NOP14: variants seen among roughly 807,000 people sequenced by gnomAD.
NOP14 encodes nucleolar protein 14.
Under a neutral mutation model 101.6 loss-of-function variants are expected in NOP14, and 57 were observed. That is an observed-to-expected ratio of 0.56 (90% CI 0.45 to 0.70). The LOEUF (loss-of-function observed/expected upper bound fraction) is 0.70. Among genes scored for constraint, NOP14 ranks in the 30% least tolerant of loss-of-function variants. The probability of loss-of-function intolerance (pLI) is 0.00; values close to 1 mark genes in which losing one functional copy is unlikely to be tolerated. For missense variants in NOP14, 1,134 were observed against 1,075.5 expected, an observed-to-expected ratio of 1.05 and a Z score of -0.76; for synonymous variants, 428 against 424.0, an observed-to-expected ratio of 1.01 and a Z score of -0.12.
intron 12 of NOP14, among the ~76,000 whole-genome samples, 164 bp downstream of exon 12, chr4:2,944,964 G>A (rs1017843560): frequency 4.6e-5 from 7 of 152,230 alleles, no homozygotes; most frequent in Non-Finnish European, 8.8e-5. Flanking sequence ...GGGGCTGCTC[G>A]AGCCGGGGCT....
At chr4:2,956,641 C>T (rs1715361805) in intron 3 of NOP14, 29 bp downstream of exon 3, 4 of 1,590,916 alleles carry the variant, frequency 2.5e-6, no homozygotes, top group South Asian at 1.2e-5. Flanking sequence ...TCCACGCCCA[C>T]AGGCCCGTGC....
chr4:2,944,479 T>A (rs1172066129), intron 12 of NOP14, among the ~76,000 whole-genome samples: 1 of 152,180 alleles, frequency 6.6e-6, no homozygotes, highest in African/African-American at 2.4e-5. Context: ...CAATCTCGGC[T>A]CACTGCAACC....
chr4:2,961,202 A>ATATT (rs1553864838), intron 1 of NOP14, among the ~76,000 whole-genome samples: 33 of 102,118 alleles, frequency 3.2e-4, no homozygotes, highest in African/African-American at 1.2e-3. Flanking sequence ...CTAATATTAT[A>ATATT]ATAATATATT....
rs758534310 is a variant in NOP14, at chr4:2,941,721, C to T, written c.2060G>A (p.Cys687Tyr). 2.5e-6 allele frequency: 4 copies of T among 1,612,514 alleles called. No homozygotes were observed. The highest frequency in any genetic ancestry group is 3.4e-6 in the Non-Finnish European group (4 of 1,179,654). Reference sequence around the variant, plus strand: ...CAGCAGGGCCAGGCCCACAGCCAGGCAGGACAGTCTGTGAGGGCAGGAGGC... The same window carrying T: ...CAGCAGGGCCAGGCCCACAGCCAGGTAGGACAGTCTGTGAGGGCAGGAGGC... ...STEANHIRLSCLAVGLALLKR... is the reference protein window; with the variant it reads ...STEANHIRLSYLAVGLALLKR... Residue 687 changes from cysteine (C) to tyrosine (Y), a missense_variant, in exon 15 of 18, where the codon TGC (cysteine) becomes TAC (tyrosine). Physicochemically the swap from Cys to Tyr is radical, Grantham distance 194. Coordinates refer to ENST00000416614, the MANE Select transcript of NOP14 (RefSeq NM_001291978.2).
chr4:2,940,743 A>C (rs1714100610), intron 15 of NOP14: 1 of 152,572 alleles, frequency 6.6e-6, no homozygotes, highest in Admixed American at 6.5e-5. Context: ...GGAGCACGGC[A>C]CAGTGTGGGC....
intron 3 of NOP14, among the ~76,000 whole-genome samples, chr4:2,955,549 C>T (rs1318407745): frequency 6.6e-6 from 1 of 151,648 alleles, no homozygotes. Context: ...GGCGCCCCCT[C>T]TAGTCACCTG....
intron 15 of NOP14, 39 bp downstream of exon 15, chr4:2,941,543 G>A (rs1456952282): frequency 6.2e-7 from 1 of 1,600,446 alleles, no homozygotes; most frequent in Non-Finnish European, 8.5e-7. Context: ...GGACATGTCT[G>A]AGCCCAGGCA....
At chr4:2,956,549 G>T in intron 3 of NOP14, 121 bp downstream of exon 3, 1 of 952,422 alleles carries the variant, frequency 1.0e-6, no homozygotes, top group Non-Finnish European at 1.5e-6. Context: ...AGAGGTTAAT[G>T]ATCAGTAAAA....
intron 1 of NOP14, among the ~76,000 whole-genome samples, chr4:2,961,079 TTAA>T (rs1296157168): frequency 1.8e-4 from 20 of 113,466 alleles, no homozygotes; most frequent in South Asian, 1.5e-3. Context: ...TAATACTATA[TTAA>T]TATTATAATA....
rs577931808 is a variant in NOP14, at chr4:2,950,405, C to T, written c.1003-192G>A. 8.5e-4 allele frequency: 524 copies of T among 619,446 alleles called. 2 individuals are homozygous for T. In the African/African-American group the frequency reaches 8.5e-3, roughly 10 times the overall value. 38.4% of individuals were successfully genotyped at this position (619,446 alleles called of 1,614,324 possible). ...ACCCGCTTCTAGGCTATTCGAGCCG[C>T]AGGAGCTACAGGCTGCTAGAGAACC... On this transcript the variant is annotated intron_variant, in intron 7 of 17. Transcript: ENST00000416614.
At chr4:2,959,456 G>A (rs919530160) in intron 1 of NOP14, among the ~76,000 whole-genome samples, 8 of 152,174 alleles carry the variant, frequency 5.3e-5, no homozygotes, top group South Asian at 2.1e-4. Context: ...AGCCGGGTGT[G>A]GTGGCGGGCG....
At chr4:2,953,817 C>G (rs181464753) in intron 4 of NOP14, among the ~76,000 whole-genome samples, 172 bp from the exon 5 acceptor site, 1 of 152,304 alleles carries the variant, frequency 6.6e-6, no homozygotes, top group Admixed American at 6.5e-5. Flanking sequence ...GCTACCAAAT[C>G]TCATCAGACG....
chr4:2,941,416 G>A (rs968453826), intron 15 of NOP14, 166 bp downstream of exon 15: 6 of 651,884 alleles, frequency 9.2e-6, no homozygotes, highest in Admixed American at 2.8e-5. Flanking sequence ...ACTGCTCACC[G>A]TCACTGCCCA....
Position 2,963,262 on chromosome 4 carries a change from C to G in NOP14, c.58G>C (p.Ala20Pro). 2 of 1,591,378 alleles carry G rather than the reference C, an allele frequency of 1.3e-6. No individual in the cohort carries two copies. Among genetic ancestry groups the G allele is most frequent in the East Asian group, 2.4e-5 (1 of 41,714 alleles). The change falls in exon 1 of 18, where the codon GCG (alanine) becomes CCG (proline). Residue 20 changes from alanine to proline, a missense_variant. By Grantham distance (27) the Ala-to-Pro change is conservative. Coordinates refer to ENST00000416614, the MANE Select transcript of NOP14 (RefSeq NM_001291978.2). ...TTGGCCTTCGCCGGGCCCCCTCGCG[C>G]TCCCGCCGGCGCCCCGGAGGCCTTC... ...RRKASGAPAG[A>P]RGGPAKANSN... is the part of the protein sequence containing the mutation.
chr4:2,944,998 C>T, intron 12 of NOP14, 130 bp downstream of exon 12: 2 of 634,050 alleles, frequency 3.2e-6, no homozygotes, highest in Non-Finnish European at 2.7e-6. Context: ...CCTCTTTGGC[C>T]TAACCGCAGT....
intron 11 of NOP14, among the ~76,000 whole-genome samples, chr4:2,945,474 G>A (rs1305799421): frequency 2.0e-5 from 3 of 152,268 alleles, no homozygotes; most frequent in East Asian, 1.9e-4. Flanking sequence ...TTATAGACAC[G>A]GGCTCAGATC....
At chr4:2,949,678 G>A (rs1362213902) in intron 8 of NOP14, among the ~76,000 whole-genome samples, 3 of 152,184 alleles carry the variant, frequency 2.0e-5, no homozygotes, top group African/African-American at 7.2e-5. Flanking sequence ...ATACTAAAAG[G>A]GAGGTGAAGG....
chr4:2,942,278 A>ATCC lies in NOP14; in HGVS notation c.1962_1964dup (p.Glu654dup), dbSNP rs767226195. 1.2e-5 allele frequency: 19 copies of ATCC among 1,614,156 alleles called. No homozygotes were observed. In the Admixed American group the frequency reaches 2.0e-4, roughly 17 times the overall value. On this transcript the variant is annotated inframe_insertion, in exon 14 of 18. Coordinates refer to ENST00000416614, the MANE Select transcript of NOP14 (RefSeq NM_001291978.2). The stretch of plus-strand genomic sequence containing the variant: ...GGCTGCTCTGCTGCCACGTGGCCAC[A>ATCC]TCCTCTCTAGCAGACACCACGAGCA...
Position 2,953,556 on chromosome 4 carries a change from G to C in NOP14, c.702C>G (p.His234Gln). The C allele has an allele frequency of 6.2e-7, 1 of 1,614,194 alleles. No individual in the cohort carries two copies. Among genetic ancestry groups the C allele is most frequent in the Non-Finnish European group, 8.5e-7 (1 of 1,180,044 alleles). ...CTCTGTTCTCTGACTTGGGAGTTTT[G>C]TGGGACAGGAGAGTCTGAATTTCTT... ...DWKEIQTLLS[H>Q]KTPKSENRDK... The change falls in exon 5 of 18, where the codon CAC becomes CAG. Residue 234 changes from histidine to glutamine, a missense_variant. Coordinates refer to ENST00000416614, the MANE Select transcript of NOP14 (RefSeq NM_001291978.2).
Sources: gnomAD v4.1 joint callset for allele counts (sites outside exome capture counted in the v4.1 genomes callset) on GRCh38, gnomAD v4.1.1 for gene constraint, MANE v1.5 for transcripts, NCBI Gene and HGNC (gene_info 2026-07-23, HGNC 2026-07-21) for gene names.